The following NR1D2 variants were observed in gnomAD, a reference collection of about 807,000 sequenced individuals.
The protein encoded by NR1D2 is nuclear receptor subfamily 1 group D member 2.
NR1D2 carries 25 observed loss-of-function variants against 52.2 expected under a neutral mutation model. That is an observed-to-expected ratio of 0.48 (90% CI 0.35 to 0.67). NR1D2 has a LOEUF of 0.67. Among genes scored for constraint, NR1D2 ranks in the 30% least tolerant of loss-of-function variants. The pLI, the probability that NR1D2 is intolerant of heterozygous loss-of-function variation, is 0.01. For synonymous variants in NR1D2, 259 were observed against 230.1 expected, an observed-to-expected ratio of 1.13 and a Z score of -1.14; for missense variants, 681 against 707.2, an observed-to-expected ratio of 0.96 and a Z score of 0.42.
intron 1 of NR1D2, among the ~76,000 whole-genome samples, chr3:23,953,197 G>T (rs909775781): frequency 4.6e-5 from 7 of 151,480 alleles, no homozygotes; most frequent in Non-Finnish European, 2.9e-5. Flanking sequence ...ACAAAAATTG[G>T]CTGGGGGTGG....
Position 23,954,658 on chromosome 3 carries a change from C to T in NR1D2, c.138C>T (p.Ser46=), listed in dbSNP as rs2125285484. The change falls in exon 2 of 8, where the codon AGC becomes AGT. Residue 46 remains serine, a synonymous_variant. Coordinates refer to ENST00000312521, the MANE Select transcript of NR1D2 (RefSeq NM_005126.5). ...SSSSVPSSPN[S]SNSDTNGNPK... is the part of the protein sequence containing the mutation. ...CTTCTGTTCCATCTTCTCCAAATAG[C>T]TCTAATTCTGATACCAATGGTAATC... 3.7e-6 allele frequency: 6 copies of T among 1,614,112 alleles called. No individual in the cohort carries two copies. The highest frequency in any genetic ancestry group is 5.1e-6 in the Non-Finnish European group (6 of 1,179,988).
At chr3:23,969,571 C>T (rs1174462511) in intron 7 of NR1D2, among the ~76,000 whole-genome samples, 1 of 152,226 alleles carries the variant, frequency 6.6e-6, no homozygotes, top group Non-Finnish European at 1.5e-5. Context: ...TTTGAGTTGA[C>T]ATCAGATTAA....
intron 1 of NR1D2, among the ~76,000 whole-genome samples, chr3:23,948,526 ATTAG>A (rs1705840604): frequency 6.6e-6 from 1 of 152,192 alleles, no homozygotes. Context: ...GGTAGGGAGG[ATTAG>A]TTACTTTGGT....
intron 1 of NR1D2, among the ~76,000 whole-genome samples, chr3:23,952,924 C>G (rs1705981498): frequency 1.3e-5 from 2 of 151,456 alleles, no homozygotes; most frequent in Non-Finnish European, 2.9e-5. Flanking sequence ...TACTACATGA[C>G]AGACTAAAAG....
rs565503861 is a variant in NR1D2 at position 23,978,634 on chromosome 3, A to G, written c.*1215A>G. On this transcript the variant is annotated 3_prime_UTR_variant, in exon 8 of 8. Transcript: ENST00000312521. ...ATACACATGCTGCAGCTTGATGTTAAAGAATTTTTATTCTTTCTGAAGAAC... is the reference window on the plus strand; with the variant it reads ...ATACACATGCTGCAGCTTGATGTTAGAGAATTTTTATTCTTTCTGAAGAAC... 3 of 152,250 alleles carry G rather than the reference A, an allele frequency of 2.0e-5. No homozygotes were observed. The South Asian group carries it at 6.2e-4, about 32-fold the overall frequency. The allele number at this position is 152,250 out of a possible 1,614,324, so 9.4% of individuals were successfully genotyped here.
At position 23,979,771 on chromosome 3, in the gene NR1D2, A is replaced by G. The variant is rs1157827625; in HGVS notation, c.*2352A>G. 1 of 152,162 alleles carries G rather than the reference A, an allele frequency of 6.6e-6. No individual in the cohort carries two copies. Among genetic ancestry groups the G allele is most frequent in the Non-Finnish European group, 1.5e-5 (1 of 67,976 alleles). 9.4% of individuals were successfully genotyped at this position (152,162 alleles called of 1,614,324 possible). A position where few individuals can be genotyped will look rare whatever the true frequency, so the allele number is the denominator to read the frequency against. ...ACATTCTTTGATTGAGTCATTGGTT[A>G]TAAACTTACTAAATGCAGAGAAAGC... On this transcript the variant is annotated 3_prime_UTR_variant, in exon 8 of 8. Coordinates refer to ENST00000312521, the MANE Select transcript of NR1D2 (RefSeq NM_005126.5).
At chr3:23,958,675 T>G (rs1429981156) in intron 3 of NR1D2, among the ~76,000 whole-genome samples, 1 of 134,440 alleles carries the variant, frequency 7.4e-6, no homozygotes, top group Non-Finnish European at 1.6e-5. Flanking sequence ...AGCCTGGACA[T>G]GGTGGCTCGT....
In NR1D2 at chr3:23,946,459, C is replaced by A. The variant is rs531333228; in HGVS notation, c.16+865C>A. ...GGTGCTTCGATCCCGAGCGACTCCC[C>A]GCAGACTGGGTAGCACCGCCCCTGT... On this transcript the variant is annotated intron_variant, in intron 1 of 7. Transcript: ENST00000312521. 97 of 236,070 alleles carry A rather than the reference C, an allele frequency of 4.1e-4. 1 individual carries two copies. The highest frequency in any genetic ancestry group is 7.1e-4 in the Admixed American group (11 of 15,390). The allele number at this position is 236,070 out of a possible 1,614,324, so 14.6% of individuals were successfully genotyped here. A position where few individuals can be genotyped will look rare whatever the true frequency, so the allele number is the denominator to read the frequency against.
At chr3:23,973,683 A>G (rs562338806) in intron 7 of NR1D2, among the ~76,000 whole-genome samples, 234 of 152,316 alleles carry the variant, frequency 1.5e-3, no homozygotes, top group Non-Finnish European at 2.9e-3. Context: ...TCCATAATAA[A>G]TTAACCTTAG....
At chr3:23,970,091 G>A (rs1257170936) in intron 7 of NR1D2, among the ~76,000 whole-genome samples, 2 of 152,228 alleles carry the variant, frequency 1.3e-5, no homozygotes, top group Non-Finnish European at 2.9e-5. Flanking sequence ...ACCTTCTTAA[G>A]TAGGAGAGTG....
chr3:23,956,728 A>G (rs1706089861), intron 3 of NR1D2, among the ~76,000 whole-genome samples: 1 of 152,232 alleles, frequency 6.6e-6, no homozygotes, highest in Admixed American at 6.5e-5. Context: ...TTGGTCAAAT[A>G]ATTCCAAGTG....
At chr3:23,975,451 A>G (rs1487694477) in intron 7 of NR1D2, among the ~76,000 whole-genome samples, 1 of 152,124 alleles carries the variant, frequency 6.6e-6, no homozygotes, top group African/African-American at 2.4e-5. Context: ...ATTAACATAT[A>G]GTTGTAATGT....
chr3:23,948,738 A>G (rs1472495757), intron 1 of NR1D2, among the ~76,000 whole-genome samples: 2 of 152,226 alleles, frequency 1.3e-5, no homozygotes, highest in African/African-American at 4.8e-5. Context: ...TAGAGCCAGA[A>G]TTTGAATCCA....
chr3:23,979,214 G>A lies in NR1D2; in HGVS notation c.*1795G>A. The A allele has an allele frequency of 6.6e-6, 1 of 152,062 alleles. No homozygotes were observed. 9.4% of individuals were successfully genotyped at this position (152,062 alleles called of 1,614,324 possible). A position where few individuals can be genotyped will look rare whatever the true frequency, so the allele number is the denominator to read the frequency against. ...TCATTATTAAAGAGGAAAGGCGATG[G>A]TGATGTCTGTAGTACAATATAAACC... On this transcript the variant is annotated 3_prime_UTR_variant, in exon 8 of 8. Coordinates refer to ENST00000312521, the MANE Select transcript of NR1D2 (RefSeq NM_005126.5).
intron 1 of NR1D2, chr3:23,946,222 G>A: frequency 1.0e-6 from 1 of 985,464 alleles, no homozygotes; most frequent in South Asian, 4.7e-5. Context: ...TGACACCGCA[G>A]TGCACCGGAC....
Position 23,945,356 on chromosome 3 carries a change from A to T in NR1D2, c.-223A>T, listed in dbSNP as rs72627093. 3.5e-3 allele frequency: 577 copies of T among 165,012 alleles called. 14 individuals carry two copies. The East Asian group carries it at 0.046, about 13-fold the overall frequency. 10.2% of individuals were successfully genotyped at this position (165,012 alleles called of 1,614,324 possible). A position where few individuals can be genotyped will look rare whatever the true frequency, so the allele number is the denominator to read the frequency against. ...CGCGCCGCCGCTTTTGTTGTCAGGG[A>T]CCCAGCGAGGAGCGCCGCTCGCCGG... On this transcript the variant is annotated 5_prime_UTR_variant, in exon 1 of 8. Transcript: ENST00000312521.
chr3:23,956,503 C>T (rs1000915196), intron 3 of NR1D2, among the ~76,000 whole-genome samples: 1 of 152,066 alleles, frequency 6.6e-6, no homozygotes, highest in Non-Finnish European at 1.5e-5. Context: ...TTAGTTTAAA[C>T]CAAACTTTGA....
chr3:23,957,630 G>T (rs575745262), intron 3 of NR1D2, among the ~76,000 whole-genome samples: 2 of 151,802 alleles, frequency 1.3e-5, no homozygotes, highest in East Asian at 2.0e-4. Context: ...GGCTGAGGCA[G>T]GAGAATGGCG....
chr3:23,960,100 A>G (rs968693474), intron 4 of NR1D2, among the ~76,000 whole-genome samples: 3 of 152,136 alleles, frequency 2.0e-5, no homozygotes, highest in Non-Finnish European at 4.4e-5. Flanking sequence ...TCCTAAAACC[A>G]ATGGAGTTTA....
Sources: gnomAD v4.1 joint callset for allele counts (sites outside exome capture counted in the v4.1 genomes callset) on GRCh38, gnomAD v4.1.1 for gene constraint, MANE v1.5 for transcripts, NCBI Gene and HGNC (gene_info 2026-07-23, HGNC 2026-07-21) for gene names.